MYOM2: variants seen among roughly 807,000 people sequenced by gnomAD.
MYOM2 encodes myomesin 2.
A neutral mutation model predicts 187.6 loss-of-function variants in MYOM2; 254 were observed. That is an observed-to-expected ratio of 1.35 (90% CI 1.22 to 1.50). The LOEUF is 1.50. MYOM2 is among the 40% of genes most tolerant of loss of function. MYOM2 has a pLI of 0.00. For missense variants in MYOM2, 2,796 were observed against 1,924.0 expected (o/e 1.45, Z -8.48); for synonymous variants, 981 against 753.8 (o/e 1.30, Z -4.94).
intron 32 of MYOM2, among the ~76,000 whole-genome samples, chr8:2,130,938 C>T (rs894617072): frequency 6.6e-6 from 1 of 152,176 alleles, no homozygotes; most frequent in African/African-American, 2.4e-5. Flanking sequence ...TTTGAGCTTC[C>T]TTCTTATTTA....
rs190839038 is a variant in MYOM2, at chr8:2,108,338, G to T, written c.2999-448G>T. Among the ~76,000 whole-genome samples, 216 of 150,980 alleles carry T rather than the reference G, an allele frequency of 1.4e-3. 4 individuals are homozygous for T. The highest frequency in any genetic ancestry group is 4.9e-3 in the African/African-American group (202 of 41,076). ...ATACACTATAGTGATGAAATGAGCG[G>T]TGTGTATATCTTTCTTTAATGAGAT... On this transcript the variant is annotated intron_variant, in intron 23 of 36. Transcript: ENST00000262113.
intron 25 of MYOM2, among the ~76,000 whole-genome samples, chr8:2,109,774 C>T (rs1396060564): frequency 6.6e-6 from 1 of 152,176 alleles, no homozygotes; most frequent in African/African-American, 2.4e-5. Flanking sequence ...TTAAAAATGA[C>T]TTTGAGCTTG....
At chr8:2,141,867 G>A (rs1358176037) in intron 34 of MYOM2, among the ~76,000 whole-genome samples, 1 of 152,190 alleles carries the variant, frequency 6.6e-6, no homozygotes, top group East Asian at 1.9e-4. Flanking sequence ...CATCAGGGCA[G>A]CACATCACAC....
At chr8:2,062,969 G>A (rs368965961) in intron 6 of MYOM2, among the ~76,000 whole-genome samples, 4 of 152,154 alleles carry the variant, frequency 2.6e-5, no homozygotes, top group African/African-American at 7.2e-5. Flanking sequence ...AGATAAAGTC[G>A]TTGAATCCGC....
intron 10 of MYOM2, among the ~76,000 whole-genome samples, chr8:2,074,053 C>T (rs1397896600): frequency 2.6e-5 from 4 of 152,188 alleles, no homozygotes; most frequent in Non-Finnish European, 5.9e-5. Context: ...AGGCAGTGTG[C>T]TGGGGTCCTA....
chr8:2,082,148 T>A (rs1437748179), intron 13 of MYOM2: 3 of 152,202 alleles, frequency 2.0e-5, no homozygotes, highest in African/African-American at 7.2e-5. Flanking sequence ...TTGTGTGCAT[T>A]GAACAGGCAA....
chr8:2,063,566 G>A (rs10110344), intron 6 of MYOM2, among the ~76,000 whole-genome samples: 132,496 of 152,272 alleles, frequency 0.87, 57,763 homozygotes, highest in East Asian at 0.99. Flanking sequence ...TATCAGTAAC[G>A]TGCTCACTCC....
Position 2,059,040 on chromosome 8 carries a change from C to G in MYOM2, c.561-113C>G, listed in dbSNP as rs1818765686. 17 of 814,730 alleles carry G rather than the reference C, an allele frequency of 2.1e-5. No individual in the cohort carries two copies. The South Asian group carries it at 2.6e-4, about 12-fold the overall frequency. The allele number at this position is 814,730 out of a possible 1,614,324, so 50.5% of individuals were successfully genotyped here. ...GGCTCTGTCCTCCTCCCGCCTGAGG[C>G]TCTAAGGGAAACCTGCAGAAATGGG... On this transcript the variant is annotated intron_variant, in intron 5 of 36. Coordinates refer to ENST00000262113, the MANE Select transcript of MYOM2 (RefSeq NM_003970.4).
At chr8:2,056,952 A>G (rs1425189843) in intron 3 of MYOM2, among the ~76,000 whole-genome samples, 1 of 152,176 alleles carries the variant, frequency 6.6e-6, no homozygotes, top group Non-Finnish European at 1.5e-5. Context: ...TCTGTTTTTA[A>G]GAGCCTCAGA....
chr8:2,087,681 G>A (rs892480863), intron 14 of MYOM2, among the ~76,000 whole-genome samples: 1 of 152,158 alleles, frequency 6.6e-6, no homozygotes, highest in African/African-American at 2.4e-5. Context: ...CACAGTCATG[G>A]CTCACTGCAG....
In MYOM2 at chr8:2,052,271, G is replaced by A. The variant is rs143949365; in HGVS notation, c.221G>A (p.Arg74Gln). 2.8e-5 allele frequency: 45 copies of A among 1,609,536 alleles called. No homozygotes were observed. The African/African-American group carries it at 5.3e-4, about 19-fold the overall frequency. Residue 74 changes from arginine (R) to glutamine (Q), a missense_variant, in exon 3 of 37, where the codon CGA (arginine) becomes CAA (glutamine). Transcript: ENST00000262113. ...ACCATCTGCAGGGTCTGTGCGAAGC[G>A]AGTGAGCACGCAGGAAGATGAGGAG... ...GGTICRVCAKRVSTQEDEEQE... is the reference protein window; with the variant it reads ...GGTICRVCAKQVSTQEDEEQE...
intron 16 of MYOM2, among the ~76,000 whole-genome samples, chr8:2,093,310 T>G (rs1563049797): frequency 6.6e-6 from 1 of 152,194 alleles, no homozygotes; most frequent in Non-Finnish European, 1.5e-5. Context: ...ACTTAAAACA[T>G]GATTCCAGTA....
In MYOM2 at chr8:2,108,823, G is replaced by A; in HGVS notation, c.3036G>A (p.Lys1012=). The A allele has an allele frequency of 6.2e-7, 1 of 1,613,876 alleles. No homozygotes were observed. The highest frequency in any genetic ancestry group is 8.5e-7 in the Non-Finnish European group (1 of 1,179,934). The change falls in exon 24 of 37, where the codon AAG becomes AAA. Residue 1012 remains lysine, a synonymous_variant. Transcript: ENST00000262113. ...TGATGGCATTGAGCAATGAAATAAA[G>A]AACCCCAGTAAGTAAGCCTCCAGCC... ...ERLMALSNEI[K]NPTIPLKSEL...
At chr8:2,050,530 C>A (rs1237942849) in intron 1 of MYOM2, among the ~76,000 whole-genome samples, 3 of 152,228 alleles carry the variant, frequency 2.0e-5, no homozygotes, top group African/African-American at 7.2e-5. Flanking sequence ...AATCTTCCAA[C>A]TGTTGTGGAA....
At position 2,144,635 on chromosome 8, in the gene MYOM2, C is replaced by A. The variant is rs146816367; in HGVS notation, c.4081-29C>A. On this transcript the variant is annotated intron_variant, in intron 36 of 36. Coordinates refer to ENST00000262113, the MANE Select transcript of MYOM2 (RefSeq NM_003970.4). ...CATGACTTTCCTTTTTCTAACTCTT[C>A]CTTCTCCACCAACCTCTTCCGTCCA... 2.6e-3 allele frequency: 4,169 copies of A among 1,606,832 alleles called. 59 individuals carry two copies. In the East Asian group the frequency reaches 0.035, roughly 14 times the overall value.
rs201919679 is a variant in MYOM2, at chr8:2,069,269, C to T, written c.654-9C>T. ...CCCGCAGACTTTCTCTTGTTTTTTT[C>T]TCTCCAAGGGCAGACTTTGACGACA... is the stretch of plus-strand genomic sequence containing the variant. On this transcript the variant is annotated splice_polypyrimidine_tract_variant and intron_variant, in intron 6 of 36. Coordinates refer to ENST00000262113, the MANE Select transcript of MYOM2 (RefSeq NM_003970.4). 7,350 of 1,601,818 alleles carry T rather than the reference C, an allele frequency of 4.6e-3. 38 individuals carry two copies. The highest frequency in any genetic ancestry group is 0.014 in the South Asian group (1,234 of 89,802).
rs75179880 is a variant in MYOM2 at position 2,142,140 on chromosome 8, C to T, written c.4002-235C>T. On this transcript the variant is annotated intron_variant, in intron 34 of 36. Coordinates refer to ENST00000262113, the MANE Select transcript of MYOM2 (RefSeq NM_003970.4). ...TGCTAAACTTTTCTGTGGGTTTTAGCATCTGGATAATAGGGCATTTTCCAC... is the reference window on the plus strand; with the variant it reads ...TGCTAAACTTTTCTGTGGGTTTTAGTATCTGGATAATAGGGCATTTTCCAC... Among the ~76,000 whole-genome samples, 658 of 151,966 alleles carry T rather than the reference C, an allele frequency of 4.3e-3. 6 individuals carry two copies. Among genetic ancestry groups the T allele is most frequent in the African/African-American group, 0.015 (641 of 41,398 alleles).
At chr8:2,133,870 A>G (rs1448063547) in intron 32 of MYOM2, among the ~76,000 whole-genome samples, 1 of 151,942 alleles carries the variant, frequency 6.6e-6, no homozygotes, top group Non-Finnish European at 1.5e-5. Flanking sequence ...ATATTTCTAA[A>G]TCGTTCACTG....
chr8:2,090,944 C>A (rs1397057570), intron 15 of MYOM2, among the ~76,000 whole-genome samples: 2 of 143,560 alleles, frequency 1.4e-5, no homozygotes, highest in Non-Finnish European at 1.5e-5. Flanking sequence ...ATCCATATGT[C>A]TTTATGGTAG....
Sources: allele counts gnomAD v4.1 joint callset (sites outside exome capture counted in the v4.1 genomes callset), GRCh38; gene constraint gnomAD v4.1.1; transcripts MANE v1.5; gene names NCBI Gene and HGNC (gene_info 2026-07-23, HGNC 2026-07-21).